Variants in PCNX2 observed in about 807,000 individuals in gnomAD.
PCNX2 encodes pecanex 2, also known as pecanex-like protein 2.
Under a neutral mutation model 223.8 loss-of-function variants are expected in PCNX2, and 168 were observed. The observed-to-expected ratio is 0.75, with a 90% CI of 0.66 to 0.85. The LOEUF is 0.85. PCNX2 is among the 40% of genes least tolerant of loss of function. The pLI, the probability that PCNX2 is intolerant of heterozygous loss-of-function variation, is 0.00. For synonymous variants in PCNX2, 1,006 were observed against 1,052.6 expected, an observed-to-expected ratio of 0.96 and a Z score of 0.86; for missense variants, 2,507 against 2,675.5, an observed-to-expected ratio of 0.94 and a Z score of 1.39.
intron 27 of PCNX2, 32 bp from the exon 28 acceptor site, chr1:233,014,809 C>T (rs1475509101): frequency 6.5e-7 from 1 of 1,539,416 alleles, no homozygotes; most frequent in African/African-American, 1.4e-5. Context: ...TCAGCTTTCA[C>T]ACAGATTCCA....
intron 23 of PCNX2, among the ~76,000 whole-genome samples, chr1:233,083,781 G>A (rs113719309): frequency 1.3e-5 from 2 of 152,292 alleles, no homozygotes; most frequent in African/African-American, 4.8e-5. Context: ...CACGGTGCCT[G>A]AAGGGAAAAA....
At chr1:233,237,103 TTACA>T (rs1658470227) in intron 8 of PCNX2, 123 bp from the exon 9 acceptor site, 1 of 1,238,710 alleles carries the variant, frequency 8.1e-7, no homozygotes, top group South Asian at 1.5e-5. Context: ...CTTTACAACC[TTACA>T]TAAACAGTTA....
At chr1:233,277,445 T>C (rs918644534) in intron 1 of PCNX2, among the ~76,000 whole-genome samples, 1 of 152,198 alleles carries the variant, frequency 6.6e-6, no homozygotes, top group African/African-American at 2.4e-5. Flanking sequence ...TTCTTGGTCA[T>C]TGCATCACAG....
At position 233,250,836 on chromosome 1, in the gene PCNX2, T is replaced by C; in HGVS notation, c.2129-4A>G. ...AAATAACAGGATCTAATTTCCCCTG[T>C]AAAATCAGAAAATTTCAGCAAAGAA... On this transcript the variant is annotated splice_region_variant and splice_polypyrimidine_tract_variant and intron_variant, in intron 7 of 33. Transcript: ENST00000258229. The C allele has an allele frequency of 6.3e-7, 1 of 1,575,836 alleles. No individual in the cohort carries two copies.
At chr1:233,129,052 C>T (rs767113914) in intron 21 of PCNX2, among the ~76,000 whole-genome samples, 8 of 152,236 alleles carry the variant, frequency 5.3e-5, no homozygotes, top group African/African-American at 1.2e-4. Context: ...CCCGCCACTG[C>T]GCTGTGGGGG....
At chr1:233,291,394 G>C (rs1469090558) in intron 1 of PCNX2, among the ~76,000 whole-genome samples, 2 of 152,136 alleles carry the variant, frequency 1.3e-5, no homozygotes, top group African/African-American at 4.8e-5. Flanking sequence ...CGGATCACCT[G>C]ATGTCGGGAG....
chr1:233,275,900 T>G (rs1256825684), intron 1 of PCNX2, among the ~76,000 whole-genome samples: 2 of 151,870 alleles, frequency 1.3e-5, no homozygotes, highest in Non-Finnish European at 2.9e-5. Flanking sequence ...CATGGTGGTG[T>G]GTGCCTGTAA....
intron 31 of PCNX2, 106 bp downstream of exon 31, chr1:232,998,999 G>A: frequency 7.6e-7 from 1 of 1,318,704 alleles, no homozygotes; most frequent in Non-Finnish European, 1.0e-6. Flanking sequence ...AATCATATGA[G>A]AAAATGGTGG....
Position 233,258,729 on chromosome 1 carries a change from A to ATG in PCNX2, c.1132_1133insCA (p.Ile378ThrfsTer4). The stretch of plus-strand genomic sequence containing the variant: ...GGAGTTTGGGGTACTGCTCATCGTG[A>ATG]TAACAATTTTTATGGGCTCATGTAG... On this transcript the variant is annotated frameshift_variant, in exon 5 of 34. Transcript: ENST00000258229. LOFTEE classifies it high-confidence loss of function. 6.2e-7 allele frequency: 1 copy of ATG among 1,613,902 alleles called. No homozygotes were observed. Among genetic ancestry groups the ATG allele is most frequent in the Non-Finnish European group, 8.5e-7 (1 of 1,179,882 alleles).
intron 32 of PCNX2, among the ~76,000 whole-genome samples, chr1:232,994,220 C>T (rs1360381885): frequency 6.6e-6 from 1 of 152,252 alleles, no homozygotes; most frequent in Non-Finnish European, 1.5e-5. Flanking sequence ...AAAACAGCTG[C>T]AGGGACTGTA....
chr1:233,325,161 G>A, the PCNX2 span, among the ~76,000 whole-genome samples: 1 of 152,154 alleles, frequency 6.6e-6, no homozygotes, highest in African/African-American at 2.4e-5. Flanking sequence ...GCTCTGCTAT[G>A]AGATATGGGC....
At chr1:233,264,416 T>C (rs148891757) in intron 1 of PCNX2, among the ~76,000 whole-genome samples, 70 of 152,288 alleles carry the variant, frequency 4.6e-4, no homozygotes, top group African/African-American at 1.6e-3. Context: ...CAGGGCCCAG[T>C]CCATATCCAT....
At chr1:233,282,977 T>C (rs1294316201) in intron 1 of PCNX2, among the ~76,000 whole-genome samples, 1 of 152,142 alleles carries the variant, frequency 6.6e-6, no homozygotes, top group Non-Finnish European at 1.5e-5. Context: ...TAAGTAACTT[T>C]TGAGCATGTT....
intron 23 of PCNX2, among the ~76,000 whole-genome samples, chr1:233,078,644 G>T (rs1357655379): frequency 3.3e-5 from 5 of 152,176 alleles, no homozygotes; most frequent in South Asian, 2.1e-4. Flanking sequence ...TGAAGCATCA[G>T]CAGCAGCAGA....
intron 21 of PCNX2, among the ~76,000 whole-genome samples, chr1:233,129,421 C>T (rs1384293908): frequency 6.6e-6 from 1 of 152,194 alleles, no homozygotes; most frequent in African/African-American, 2.4e-5. Flanking sequence ...CTCCTGGCAG[C>T]CCAAGCCTCC....
chr1:233,104,080 C>G (rs936484551), intron 21 of PCNX2, among the ~76,000 whole-genome samples: 11 of 151,740 alleles, frequency 7.2e-5, no homozygotes, highest in Non-Finnish European at 4.4e-5. Context: ...AAAAAAGGAC[C>G]AAAAAATTTC....
chr1:232,988,173 A>G (rs1669561315), intron 32 of PCNX2, among the ~76,000 whole-genome samples: 1 of 152,244 alleles, frequency 6.6e-6, no homozygotes, highest in Admixed American at 6.5e-5. Flanking sequence ...GCAAGGCCGG[A>G]CGTGTGTTTG....
At chr1:233,308,548 A>G in the PCNX2 span, among the ~76,000 whole-genome samples, 4 of 152,302 alleles carry the variant, frequency 2.6e-5, no homozygotes, top group Admixed American at 1.3e-4. Context: ...ATTCTGACAC[A>G]CCAAATAATA....
chr1:233,262,232 T>C, intron 2 of PCNX2, 67 bp from the exon 3 acceptor site: 4 of 1,574,782 alleles, frequency 2.5e-6, no homozygotes, highest in East Asian at 2.3e-5. Flanking sequence ...ACTCTTTTAG[T>C]ACTAGTCTAA....
Sources: allele counts gnomAD v4.1 joint callset (sites outside exome capture counted in the v4.1 genomes callset), GRCh38; gene constraint gnomAD v4.1.1; transcripts MANE v1.5; gene names NCBI Gene and HGNC (gene_info 2026-07-23, HGNC 2026-07-21).